The following PTPRD variants were observed in gnomAD, a reference collection of about 807,000 sequenced individuals.
The protein encoded by PTPRD is receptor-type tyrosine-protein phosphatase delta.
In PTPRD, 34 loss-of-function variants were observed where a neutral mutation model predicts 214.5. That is an observed-to-expected ratio of 0.16 (90% CI 0.12 to 0.21). The LOEUF (loss-of-function observed/expected upper bound fraction) is 0.21, where lower values mean the gene tolerates loss of function less well. PTPRD is among the 10% of genes least tolerant of loss of function. PTPRD has a pLI of 1.00. For missense variants in PTPRD, 2,545 were observed against 2,398.7 expected (o/e 1.06, Z -1.27); for synonymous variants, 1,128 against 845.7 (o/e 1.33, Z -5.79).
At chr9:9,170,407 G>A (rs1038418807) in intron 10 of PTPRD, among the ~76,000 whole-genome samples, 1 of 152,152 alleles carries the variant, frequency 6.6e-6, no homozygotes, top group Non-Finnish European at 1.5e-5. Context: ...TTTGATTTTA[G>A]GGAAAAAGTC....
intron 4 of PTPRD, among the ~76,000 whole-genome samples, chr9:10,002,454 T>C (rs1310429373): frequency 6.7e-6 from 1 of 149,952 alleles, no homozygotes; most frequent in Non-Finnish European, 1.5e-5. Flanking sequence ...AACACTAAAT[T>C]CAAAGACACA....
intron 12 of PTPRD, among the ~76,000 whole-genome samples, chr9:8,677,637 A>G (rs1005958030): frequency 6.6e-6 from 1 of 152,164 alleles, no homozygotes; most frequent in Non-Finnish European, 1.5e-5. Context: ...TATAGAACCA[A>G]TCTGCACATG....
intron 8 of PTPRD, among the ~76,000 whole-genome samples, chr9:9,486,796 A>G (rs1301389080): frequency 6.6e-6 from 1 of 152,122 alleles, no homozygotes; most frequent in African/African-American, 2.4e-5. Flanking sequence ...TATTTCCCCT[A>G]TTACAACACT....
At chr9:10,493,120 C>A (rs1208338349) in intron 2 of PTPRD, among the ~76,000 whole-genome samples, 1 of 152,072 alleles carries the variant, frequency 6.6e-6, no homozygotes, top group Non-Finnish European at 1.5e-5. Context: ...AATGGAAAAT[C>A]ATCTCATGCT....
At chr9:8,540,476 A>C (rs779295635) in intron 14 of PTPRD, among the ~76,000 whole-genome samples, 4 of 152,186 alleles carry the variant, frequency 2.6e-5, no homozygotes, top group African/African-American at 4.8e-5. Context: ...CTCAAGAGCA[A>C]GGTGCAAGCT....
chr9:9,844,475 A>G (rs1478356878), intron 5 of PTPRD, among the ~76,000 whole-genome samples: 1 of 151,970 alleles, frequency 6.6e-6, no homozygotes, highest in East Asian at 1.9e-4. Flanking sequence ...CAAAGGGAAC[A>G]ATTGATTTTT....
chr9:9,442,423 T>A (rs1185112993), intron 8 of PTPRD: 1 of 152,264 alleles, frequency 6.6e-6, no homozygotes, highest in African/African-American at 2.4e-5. Flanking sequence ...GTAGTACTGA[T>A]GTCTGGGCCT....
chr9:8,647,021 T>G (rs530177461), intron 12 of PTPRD, among the ~76,000 whole-genome samples: 8 of 152,232 alleles, frequency 5.3e-5, no homozygotes, highest in African/African-American at 1.9e-4. Context: ...GTGACATACC[T>G]TGCCACTGCA....
At chr9:8,652,474 T>A (rs909874893) in intron 12 of PTPRD, among the ~76,000 whole-genome samples, 2 of 152,208 alleles carry the variant, frequency 1.3e-5, no homozygotes, top group Non-Finnish European at 2.9e-5. Context: ...TAGAACACAT[T>A]TGCAGATACC....
At chr9:9,342,803 T>C (rs1569567535) in intron 9 of PTPRD, among the ~76,000 whole-genome samples, 1 of 152,110 alleles carries the variant, frequency 6.6e-6, no homozygotes, top group African/African-American at 2.4e-5. Flanking sequence ...GGTGGTTTGC[T>C]GCACCCATCA....
rs1166884969 is a variant in PTPRD, at chr9:9,309,233, T to C, written c.-203+88216A>G. 4.0e-5 allele frequency among the ~76,000 whole-genome samples: 6 copies of C among 151,860 alleles called. No individual in the cohort carries two copies. The East Asian group carries it at 1.2e-3, about 29-fold the overall frequency. ...TGTATGTTTTTGTTTTTTTTTTTAA[T>C]TTTTCTTTGCTCTCCCCTATCTCAA... is the stretch of plus-strand genomic sequence containing the variant. On this transcript the variant is annotated intron_variant, in intron 9 of 45. Coordinates refer to ENST00000381196, the MANE Select transcript of PTPRD (RefSeq NM_002839.4).
intron 11 of PTPRD, among the ~76,000 whole-genome samples, chr9:8,911,183 A>C (rs1303313047): frequency 6.6e-6 from 1 of 152,234 alleles, no homozygotes; most frequent in Non-Finnish European, 1.5e-5. Flanking sequence ...ACAAAGTTGA[A>C]GGATTTTCAT....
At chr9:9,230,911 G>A (rs2099962704) in intron 9 of PTPRD, among the ~76,000 whole-genome samples, 1 of 152,078 alleles carries the variant, frequency 6.6e-6, no homozygotes, top group Admixed American at 6.6e-5. Context: ...TGGAAGCTAA[G>A]AAAAACAGAT....
intron 8 of PTPRD, among the ~76,000 whole-genome samples, chr9:9,490,684 T>G (rs556425769): frequency 6.6e-6 from 1 of 151,866 alleles, no homozygotes; most frequent in Non-Finnish European, 1.5e-5. Flanking sequence ...ATTCAGGATA[T>G]AATTACCATG....
chr9:9,084,768 A>G (rs140358787), intron 10 of PTPRD, among the ~76,000 whole-genome samples: 7 of 152,236 alleles, frequency 4.6e-5, no homozygotes, highest in African/African-American at 1.4e-4. Flanking sequence ...AAAGAGGAAG[A>G]GTAGATTGCT....
chr9:9,241,171 T>A (rs1296156360), intron 9 of PTPRD, among the ~76,000 whole-genome samples: 1 of 152,182 alleles, frequency 6.6e-6, no homozygotes, highest in East Asian at 1.9e-4. Flanking sequence ...ATTTTGCTGA[T>A]TACTTAAATG....
chr9:10,188,156 T>C (rs767687277), intron 3 of PTPRD, among the ~76,000 whole-genome samples: 8 of 152,188 alleles, frequency 5.3e-5, no homozygotes, highest in Non-Finnish European at 1.0e-4. Context: ...TCCCAATGAG[T>C]AATGCTATTC....
At chr9:8,416,469 AAAG>A (rs1450053179) in intron 35 of PTPRD, among the ~76,000 whole-genome samples, 3 of 152,164 alleles carry the variant, frequency 2.0e-5, no homozygotes, top group Non-Finnish European at 1.5e-5. Flanking sequence ...AAGAGGGAAA[AAAG>A]AGAGTTGCAG....
At chr9:9,704,155 G>A (rs1000021560) in intron 7 of PTPRD, among the ~76,000 whole-genome samples, 4 of 152,098 alleles carry the variant, frequency 2.6e-5, no homozygotes, top group Non-Finnish European at 5.9e-5. Context: ...AATGCAAAGT[G>A]GCTTTCCGTG....
Sources: gnomAD v4.1 joint callset for allele counts (sites outside exome capture counted in the v4.1 genomes callset) on GRCh38, gnomAD v4.1.1 for gene constraint, MANE v1.5 for transcripts, NCBI Gene and HGNC (gene_info 2026-07-23, HGNC 2026-07-21) for gene names.